The following NRG3 variants were observed in gnomAD, a reference collection of about 807,000 sequenced individuals.
NRG3 encodes pro-neuregulin-3, membrane-bound isoform.
A neutral mutation model predicts 66.9 loss-of-function variants in NRG3; 31 were observed. That is an observed-to-expected ratio of 0.46 (90% CI 0.35 to 0.63). The LOEUF (loss-of-function observed/expected upper bound fraction) is 0.63. Ranked by LOEUF, NRG3 falls within the 20% of genes least tolerant of loss-of-function variation. NRG3 has a pLI of 0.00. For missense variants in NRG3, 910 were observed against 878.9 expected (o/e 1.04, Z -0.45); for synonymous variants, 393 against 359.4 (o/e 1.09, Z -1.06).
intron 3 of NRG3, among the ~76,000 whole-genome samples, chr10:82,805,425 C>G (rs1335916455): frequency 6.6e-6 from 1 of 152,156 alleles, no homozygotes; most frequent in East Asian, 1.9e-4. Context: ...GTCTCTGCGT[C>G]TTTTGTCCCT....
intron 3 of NRG3, among the ~76,000 whole-genome samples, chr10:82,826,007 C>T (rs1417122311): frequency 6.6e-6 from 1 of 152,048 alleles, no homozygotes; most frequent in Non-Finnish European, 1.5e-5. Context: ...GATATTTTAG[C>T]TTATTGTATT....
chr10:81,920,340 T>C (rs1211924309), intron 1 of NRG3, among the ~76,000 whole-genome samples: 1 of 152,122 alleles, frequency 6.6e-6, no homozygotes, highest in Admixed American at 6.5e-5. Context: ...CTCTATTTGA[T>C]TGGAGTTTTG....
intron 8 of NRG3, 129 bp downstream of exon 8, chr10:82,979,249 A>C: frequency 1.1e-6 from 1 of 946,486 alleles, no homozygotes. Context: ...GCTTACTGCC[A>C]TCTTTGTTCT....
intron 1 of NRG3, among the ~76,000 whole-genome samples, chr10:82,118,472 T>C (rs1347661165): frequency 6.6e-6 from 1 of 152,104 alleles, no homozygotes; most frequent in East Asian, 1.9e-4. Context: ...TAGATGTTTT[T>C]CTTTTTTAAT....
At chr10:82,119,862 CT>C (rs1375730785) in intron 1 of NRG3, among the ~76,000 whole-genome samples, 4 of 152,178 alleles carry the variant, frequency 2.6e-5, no homozygotes, top group Admixed American at 2.6e-4. Flanking sequence ...ACGAGCACCT[CT>C]TGTCCTCCTT....
At chr10:82,415,675 T>C (rs1303702757) in intron 2 of NRG3, among the ~76,000 whole-genome samples, 1 of 152,138 alleles carries the variant, frequency 6.6e-6, no homozygotes, top group East Asian at 1.9e-4. Flanking sequence ...TAAAGTTGAG[T>C]CACGCTACTC....
intron 1 of NRG3, among the ~76,000 whole-genome samples, chr10:82,022,846 G>A (rs1252249570): frequency 6.6e-6 from 1 of 151,552 alleles, no homozygotes; most frequent in African/African-American, 2.4e-5. Context: ...GTGAATACAG[G>A]TTGAAATGCT....
rs575587923 is a variant in NRG3 at position 82,861,927 on chromosome 10, G to A, written c.1028-3484G>A. Among the ~76,000 whole-genome samples, 6 of 152,234 alleles carry A rather than the reference G, an allele frequency of 3.9e-5. No individual in the cohort carries two copies. The East Asian group carries it at 9.7e-4, about 24-fold the overall frequency. ...CAGCTGTTCACAAATATTATTTTTA[G>A]TGTAATGATAGGTAATCCTTATTTT... is the stretch of plus-strand genomic sequence containing the variant. On this transcript the variant is annotated intron_variant, in intron 3 of 8. Transcript: ENST00000372141.
intron 2 of NRG3, among the ~76,000 whole-genome samples, chr10:82,716,488 C>A (rs535314546): frequency 1.3e-5 from 2 of 152,142 alleles, no homozygotes; most frequent in South Asian, 4.1e-4. Flanking sequence ...TGAGACTCAG[C>A]GTGCACACAT....
At chr10:82,603,703 G>A (rs1043201217) in intron 2 of NRG3, among the ~76,000 whole-genome samples, 10 of 151,976 alleles carry the variant, frequency 6.6e-5, no homozygotes, top group African/African-American at 2.4e-4. Flanking sequence ...GTTATTTTTA[G>A]ATAATATATT....
intron 2 of NRG3, among the ~76,000 whole-genome samples, chr10:82,547,492 C>T (rs1279991850): frequency 3.1e-5 from 4 of 129,564 alleles, no homozygotes. Context: ...CCAGTATATA[C>T]ATATGTGTAT....
chr10:81,938,559 A>G (rs958011461), intron 1 of NRG3, among the ~76,000 whole-genome samples: 3 of 150,188 alleles, frequency 2.0e-5, no homozygotes, highest in Non-Finnish European at 4.4e-5. Context: ...AACACAGACA[A>G]TTTTTTAATG....
At chr10:82,579,096 T>C (rs1255292210) in intron 2 of NRG3, among the ~76,000 whole-genome samples, 1 of 151,800 alleles carries the variant, frequency 6.6e-6, no homozygotes, top group East Asian at 1.9e-4. Context: ...TGAGGTGTAA[T>C]TTCATGAAGA....
intron 2 of NRG3, among the ~76,000 whole-genome samples, chr10:82,403,340 T>C (rs1589999735): frequency 6.6e-6 from 1 of 152,140 alleles, no homozygotes; most frequent in East Asian, 1.9e-4. Flanking sequence ...TACACACTCC[T>C]CCCCCACTCA....
chr10:82,603,185 G>A (rs370069851), intron 2 of NRG3, among the ~76,000 whole-genome samples: 5 of 152,224 alleles, frequency 3.3e-5, no homozygotes, highest in East Asian at 1.9e-4. Context: ...GTGCAATTTT[G>A]CCTTCATGGG....
At chr10:82,385,152 T>A (rs1219128711) in intron 2 of NRG3, among the ~76,000 whole-genome samples, 1 of 152,186 alleles carries the variant, frequency 6.6e-6, no homozygotes, top group Non-Finnish European at 1.5e-5. Context: ...TGCCCACATT[T>A]TAAAGGGGTT....
chr10:82,704,417 G>A (rs893864936), intron 2 of NRG3, among the ~76,000 whole-genome samples: 1 of 152,168 alleles, frequency 6.6e-6, no homozygotes, highest in African/African-American at 2.4e-5. Context: ...AAATCTACCA[G>A]ACTATATCAT....
chr10:82,316,528 C>G (rs1004719787), intron 1 of NRG3, among the ~76,000 whole-genome samples: 35 of 152,086 alleles, frequency 2.3e-4, no homozygotes, highest in African/African-American at 7.5e-4. Context: ...TTTTTTCCCC[C>G]TCCTGGTAAA....
chr10:82,255,234 C>G (rs1011023755), intron 1 of NRG3, among the ~76,000 whole-genome samples: 2 of 152,106 alleles, frequency 1.3e-5, no homozygotes, highest in African/African-American at 4.8e-5. Flanking sequence ...AATACCTGAA[C>G]CAGAACTCTT....
Sources: gnomAD v4.1 joint callset for allele counts (sites outside exome capture counted in the v4.1 genomes callset) on GRCh38, gnomAD v4.1.1 for gene constraint, MANE v1.5 for transcripts, NCBI Gene and HGNC (gene_info 2026-07-23, HGNC 2026-07-21) for gene names.